Variants in ESYT3 observed in about 807,000 individuals in gnomAD.
The protein encoded by ESYT3 is extended synaptotagmin-3.
Under a neutral mutation model 111.5 loss-of-function variants are expected in ESYT3, and 101 were observed. The ratio of observed to expected loss-of-function variants is 0.91; its 90% CI spans 0.77 to 1.07. The LOEUF is 1.07. Among genes scored for constraint, ESYT3 ranks in the 50% least tolerant of loss-of-function variants. ESYT3 has a pLI of 0.00. For missense variants in ESYT3, 1,097 were observed against 1,109.4 expected, an observed-to-expected ratio of 0.99 and a Z score of 0.16; for synonymous variants, 416 against 446.8, an observed-to-expected ratio of 0.93 and a Z score of 0.87.
At chr3:138,459,512 G>T (rs1342882794) in intron 5 of ESYT3, among the ~76,000 whole-genome samples, 1 of 152,246 alleles carries the variant, frequency 6.6e-6, no homozygotes, top group Non-Finnish European at 1.5e-5. Context: ...TGGCTGCCTG[G>T]CGAGGAGAGA....
chr3:138,448,010 G>A (rs183818434), intron 1 of ESYT3, among the ~76,000 whole-genome samples: 18 of 152,136 alleles, frequency 1.2e-4, no homozygotes, highest in Non-Finnish European at 2.1e-4. Context: ...GCTCATGCCT[G>A]TAATCCCAAC....
chr3:138,468,111 G>T lies in ESYT3; in HGVS notation c.1225G>T (p.Val409Phe), dbSNP rs184013806. 2.4e-5 allele frequency: 38 copies of T among 1,614,146 alleles called. No homozygotes were observed. In the African/African-American group the frequency reaches 4.8e-4, roughly 20 times the overall value. The change falls in exon 12 of 23, where the codon GTC (valine) becomes TTC (phenylalanine). Residue 409 changes from valine to phenylalanine, a missense_variant. Coordinates refer to ENST00000389567, the MANE Select transcript of ESYT3 (RefSeq NM_031913.5). ...MTNRVVDEWF[V>F]LNDTTSGRLH... is the part of the protein sequence containing the mutation. ...TTCTGCCCCTACCCCACAGTGGTTT[G>T]TCCTGAATGACACAACCAGCGGGCG...
intron 14 of ESYT3, among the ~76,000 whole-genome samples, 164 bp downstream of exon 14, chr3:138,469,045 TG>T (rs1414518450): frequency 6.6e-6 from 1 of 152,166 alleles, no homozygotes; most frequent in African/African-American, 2.4e-5. Flanking sequence ...GCACTAGGCT[TG>T]GCAACTCATC....
chr3:138,476,594 G>A, intron 22 of ESYT3, 102 bp downstream of exon 22: 1 of 1,200,534 alleles, frequency 8.3e-7, no homozygotes, highest in Non-Finnish European at 1.2e-6. Flanking sequence ...AAGGGAGGGA[G>A]ATGAACACCT....
At chr3:138,467,240 A>G (rs1173911496) in intron 10 of ESYT3, among the ~76,000 whole-genome samples, 2 of 152,158 alleles carry the variant, frequency 1.3e-5, no homozygotes, top group Non-Finnish European at 2.9e-5. Context: ...TGCACAATGA[A>G]GAATCATCCC....
chr3:138,476,265 A>G lies in ESYT3; in HGVS notation c.2511A>G (p.Ser837=). The G allele has an allele frequency of 6.2e-7, 1 of 1,614,064 alleles. No homozygotes were observed. The highest frequency in any genetic ancestry group is 8.5e-7 in the Non-Finnish European group (1 of 1,179,938). ...CCATGGAAGAAGTAAAGAAGAGGTC[A>G]CTAGATGTTGCAGTGAAAAATAGTA... ...FVPMEEVKKR[S]LDVAVKNSRP... The change falls in exon 21 of 23, where the codon TCA becomes TCG. Residue 837 remains serine (S), a synonymous_variant. Coordinates refer to ENST00000389567, the MANE Select transcript of ESYT3 (RefSeq NM_031913.5).
chr3:138,460,705 T>G, intron 7 of ESYT3, 39 bp downstream of exon 7: 2 of 1,608,304 alleles, frequency 1.2e-6, no homozygotes, highest in East Asian at 4.5e-5. Context: ...ATCATAAGTT[T>G]GGGGGCCTCC....
chr3:138,448,160 G>A (rs889544953), intron 1 of ESYT3, among the ~76,000 whole-genome samples: 4 of 151,342 alleles, frequency 2.6e-5, no homozygotes, highest in Non-Finnish European at 4.4e-5. Flanking sequence ...CCAGCTACTC[G>A]GGAGGCTGAG....
At chr3:138,453,964 CT>C (rs1463594377) in intron 2 of ESYT3, among the ~76,000 whole-genome samples, 4 of 152,212 alleles carry the variant, frequency 2.6e-5, no homozygotes, top group Admixed American at 2.0e-4. Context: ...TGTGACCCCG[CT>C]GTGTGCTACC....
intron 3 of ESYT3, among the ~76,000 whole-genome samples, chr3:138,456,544 C>G (rs922470865): frequency 1.3e-5 from 2 of 152,204 alleles, no homozygotes; most frequent in Non-Finnish European, 2.9e-5. Context: ...GTCCCCAACT[C>G]TCGGTACCAG....
At chr3:138,474,196 C>G in intron 19 of ESYT3, 25 bp from the exon 20 acceptor site, 3 of 1,505,878 alleles carry the variant, frequency 2.0e-6, no homozygotes, top group Non-Finnish European at 1.8e-6. Flanking sequence ...TTTTTTTTTT[C>G]CTAATGTCTT....
intron 8 of ESYT3, among the ~76,000 whole-genome samples, chr3:138,463,412 CTGAG>C (rs1268254885): frequency 6.6e-6 from 1 of 152,162 alleles, no homozygotes; most frequent in Non-Finnish European, 1.5e-5. Context: ...GCTTTTAACA[CTGAG>C]TATGTCATGA....
At chr3:138,449,337 CG>C (rs1346850355) in intron 1 of ESYT3, among the ~76,000 whole-genome samples, 1 of 152,030 alleles carries the variant, frequency 6.6e-6, no homozygotes, top group African/African-American at 2.4e-5. Context: ...CCACCTGCCT[CG>C]GCCTCCCAAA....
Position 138,473,580 on chromosome 3 carries a change from C to T in ESYT3, c.2282C>T (p.Thr761Ile), listed in dbSNP as rs1363633725. The T allele has an allele frequency of 1.9e-6, 3 of 1,613,924 alleles. No individual in the cohort carries two copies. The highest frequency in any genetic ancestry group is 2.5e-6 in the Non-Finnish European group (3 of 1,179,872). The change falls in exon 19 of 23, where the codon ACA (threonine) becomes ATA (isoleucine). Residue 761 changes from threonine to isoleucine, a missense_variant. Coordinates refer to ENST00000389567, the MANE Select transcript of ESYT3 (RefSeq NM_031913.5). ...RRRQLGEIQLTVRYVCLRRCL... is the reference protein window; with the variant it reads ...RRRQLGEIQLIVRYVCLRRCL... ...CGGCAGCTGGGTGAGATTCAGCTCA[C>T]AGTGCGCTATGTGTGTCTGCGGCGC...
At chr3:138,450,173 G>C (rs1340180931) in intron 1 of ESYT3, among the ~76,000 whole-genome samples, 1 of 152,230 alleles carries the variant, frequency 6.6e-6, no homozygotes, top group Non-Finnish European at 1.5e-5. Context: ...AAAGGTAAAG[G>C]TGGTTGGATT....
At chr3:138,470,511 A>C in intron 16 of ESYT3, 11 of 1,123,202 alleles carry the variant, frequency 9.8e-6, no homozygotes, top group Non-Finnish European at 1.2e-5. Flanking sequence ...AAGCAAAGAG[A>C]GGCAAAAACA....
intron 8 of ESYT3, 50 bp from the exon 9 acceptor site, chr3:138,464,295 T>C: frequency 6.2e-7 from 1 of 1,601,028 alleles, no homozygotes; most frequent in Admixed American, 1.7e-5. Flanking sequence ...ACTCCAGGAC[T>C]TGGAGGCCCC....
At chr3:138,473,727 A>G in intron 19 of ESYT3, 93 bp downstream of exon 19, 1 of 1,072,694 alleles carries the variant, frequency 9.3e-7, no homozygotes. Flanking sequence ...AAGGGCACAT[A>G]GTCCCAAGAT....
chr3:138,480,104 T>C (rs1220036494), downstream of ESYT3: 5 of 152,044 alleles, frequency 3.3e-5, no homozygotes, highest in Admixed American at 3.3e-4. Flanking sequence ...AAATCAACCC[T>C]GCAAAACGTA....
Sources: gnomAD v4.1 joint callset for allele counts (sites outside exome capture counted in the v4.1 genomes callset) on GRCh38, gnomAD v4.1.1 for gene constraint, MANE v1.5 for transcripts, NCBI Gene and HGNC (gene_info 2026-07-23, HGNC 2026-07-21) for gene names.